Variants in MOV10L1 observed in about 807,000 individuals in gnomAD.
MOV10L1 encodes the protein RNA helicase Mov10l1.
MOV10L1 carries 110 observed loss-of-function variants against 143.8 expected under a neutral mutation model. That is an observed-to-expected ratio of 0.76 (90% confidence interval 0.66 to 0.90). The LOEUF (loss-of-function observed/expected upper bound fraction) is 0.90, where lower values mean the gene tolerates loss of function less well. Among genes scored for constraint, MOV10L1 ranks in the 40% least tolerant of loss-of-function variants. MOV10L1 has a pLI of 0.00. For missense variants in MOV10L1, 1,406 were observed against 1,526.8 expected, an observed-to-expected ratio of 0.92 and a Z score of 1.32; for synonymous variants, 593 against 581.1, an observed-to-expected ratio of 1.02 and a Z score of -0.29.
Position 50,139,384 on chromosome 22 carries a change from C to G in MOV10L1, c.2071-2697C>G, listed in dbSNP as rs1569027461. 4.6e-5 allele frequency among the ~76,000 whole-genome samples: 7 copies of G among 151,958 alleles called. No homozygotes were observed. In the South Asian group the frequency reaches 1.5e-3, roughly 32 times the overall value. On this transcript the variant is annotated intron_variant, in intron 15 of 26. Coordinates refer to ENST00000262794, the MANE Select transcript of MOV10L1 (RefSeq NM_018995.3). ...CTTACAGAGAAATGGATAAATTGGA[C>G]TTCAGTGAAATTAAATATTTTGCTG...
At position 50,143,067 on chromosome 22, in the gene MOV10L1, C is replaced by G; in HGVS notation, c.2204C>G (p.Ala735Gly). 1 of 1,614,066 alleles carries G rather than the reference C, an allele frequency of 6.2e-7. No individual in the cohort carries two copies. The highest frequency in any genetic ancestry group is 8.5e-7 in the Non-Finnish European group (1 of 1,180,004). The change falls in exon 17 of 27, where the codon GCA (alanine) becomes GGA (glycine). Residue 735 changes from alanine (A) to glycine (G), a missense_variant. Ala to Gly is a moderately conservative substitution (Grantham distance 60, BLOSUM62 0). Transcript: ENST00000262794. ...DWVDEIQTPK[A>G]RKMEFFNPVL... ...GTAGATGAAATTCAGACCCCTAAAGCAAGAAAGATGGAGTTTTTCAACCCA... is the reference window on the plus strand; with the variant it reads ...GTAGATGAAATTCAGACCCCTAAAGGAAGAAAGATGGAGTTTTTCAACCCA...
chr22:50,121,579 C>T (rs2062345814), intron 10 of MOV10L1, among the ~76,000 whole-genome samples: 1 of 152,228 alleles, frequency 6.6e-6, no homozygotes. Context: ...ATGTGTTTTA[C>T]TCACAGATCC....
At position 50,152,104 on chromosome 22, in the gene MOV10L1, A is replaced by G. The variant is rs1038606983; in HGVS notation, c.2893-941A>G. ...GTCGGGAGGACTCACGGGGCCAATC[A>G]TGGCGTTCTCGTGCCAGTGTCATCT... On this transcript the variant is annotated intron_variant, in intron 21 of 26. Coordinates refer to ENST00000262794, the MANE Select transcript of MOV10L1 (RefSeq NM_018995.3). This position sits in a 1 kb window ranked among gnomAD's most constrained non-coding sequence, Gnocchi z 4.4. 6.6e-6 allele frequency among the ~76,000 whole-genome samples: 1 copy of G among 152,162 alleles called. No homozygotes were observed. The highest frequency in any genetic ancestry group is 1.5e-5 in the Non-Finnish European group (1 of 68,016).
At chr22:50,149,549 GT>G in intron 19 of MOV10L1, 65 bp from the exon 20 acceptor site, 1 of 1,512,136 alleles carries the variant, frequency 6.6e-7, no homozygotes, top group Non-Finnish European at 9.1e-7. Flanking sequence ...CTTTGCCAGT[GT>G]GTCAGAGGCA....
Position 50,134,038 on chromosome 22 carries a change from GAA to G in MOV10L1, c.1943_1944del (p.Glu648AlafsTer44), listed in dbSNP as rs1417790380. The G allele has an allele frequency of 6.2e-7, 1 of 1,612,200 alleles. No homozygotes were observed. The highest frequency in any genetic ancestry group is 8.5e-7 in the Non-Finnish European group (1 of 1,179,614). On this transcript the variant is annotated frameshift_variant, in exon 14 of 27. Coordinates refer to ENST00000262794, the MANE Select transcript of MOV10L1 (RefSeq NM_018995.3). LOFTEE classifies it high-confidence loss of function. ...TTSRRCHFAL[E>X]HVIHLGVKVL... ...AAGCAGACGGTGTCACTTTGCACTT[GAA>G]CACGTCATCCACTTAGGTGTAAAAG...
chr22:50,121,656 G>A (rs2062349564), intron 10 of MOV10L1, among the ~76,000 whole-genome samples: 1 of 152,218 alleles, frequency 6.6e-6, no homozygotes, highest in African/African-American at 2.4e-5. Context: ...GAGTTTGTAG[G>A]CAAATGCCTG....
At chr22:50,098,272 C>CTTAATAATTACTT (rs10627093) in intron 2 of MOV10L1, among the ~76,000 whole-genome samples, 1 of 141,556 alleles carries the variant, frequency 7.1e-6, no homozygotes, top group Admixed American at 7.0e-5. Flanking sequence ...TTAATAATCA[C>CTTAATAATTACTT]ATAATCACTT....
At chr22:50,126,056 T>C in intron 11 of MOV10L1, 146 bp from the exon 12 acceptor site, 2 of 561,422 alleles carry the variant, frequency 3.6e-6, no homozygotes, top group Non-Finnish European at 6.4e-6. Flanking sequence ...CCTCTCAAAG[T>C]GCTGGGATTA....
At chr22:50,124,438 T>C (rs960730095) in intron 10 of MOV10L1, among the ~76,000 whole-genome samples, 1 of 152,200 alleles carries the variant, frequency 6.6e-6, no homozygotes, top group Non-Finnish European at 1.5e-5. Flanking sequence ...ATTAATAGAT[T>C]TGGTTTACGA....
At chr22:50,122,843 G>A (rs553893820) in intron 10 of MOV10L1, among the ~76,000 whole-genome samples, 48 of 149,036 alleles carry the variant, frequency 3.2e-4, no homozygotes, top group African/African-American at 1.1e-3. Flanking sequence ...GTGCAGTGGC[G>A]CAATCACAGC....
intron 1 of MOV10L1, chr22:50,090,636 T>C: frequency 1.7e-6 from 2 of 1,202,178 alleles, no homozygotes; most frequent in Non-Finnish European, 1.2e-6. Flanking sequence ...AAGCCCGGGA[T>C]GCGCCCGGAT....
intron 19 of MOV10L1, among the ~76,000 whole-genome samples, chr22:50,146,148 A>AGGCCTGGAGCCTG (rs146402502): frequency 0.23 from 34,548 of 151,552 alleles, 4,296 homozygotes; most frequent in Admixed American, 0.35. Flanking sequence ...GGTGAGGGGG[A>AGGCCTGGAGCCTG]GGCCTGGCGG....
At chr22:50,147,612 C>G (rs551497990) in intron 19 of MOV10L1, among the ~76,000 whole-genome samples, 42 of 151,346 alleles carry the variant, frequency 2.8e-4, no homozygotes, top group South Asian at 8.4e-4. Flanking sequence ...GGTGCTGCAG[C>G]CCAGCTGCAG....
In MOV10L1 at chr22:50,115,165, G is replaced by A; in HGVS notation, c.1178G>A (p.Arg393Lys). ...GGAGAAAAAGACAACATTCTATCAA[G>A]GAAGCAGATGACAGAGCCTGAGCCT... The part of the protein sequence containing the change: ...ENGEKDNILS[R>K]KQMTEPEPGG... Residue 393 changes from arginine (R) to lysine (K), a missense_variant, in exon 8 of 27, where the codon AGG becomes AAG. By Grantham distance (26) the Arg-to-Lys change is conservative (BLOSUM62 2). Coordinates refer to ENST00000262794, the MANE Select transcript of MOV10L1 (RefSeq NM_018995.3). 6.4e-7 allele frequency: 1 copy of A among 1,571,714 alleles called. No individual in the cohort carries two copies. The highest frequency in any genetic ancestry group is 8.6e-7 in the Non-Finnish European group (1 of 1,166,118).
At chr22:50,150,975 C>G (rs946150246) in intron 21 of MOV10L1, 76 bp downstream of exon 21, 1 of 1,563,194 alleles carries the variant, frequency 6.4e-7, no homozygotes, top group Non-Finnish European at 8.7e-7. Flanking sequence ...GCAGCTCACT[C>G]TTCTGTCCAC....
chr22:50,125,561 T>C lies in MOV10L1; in HGVS notation c.1739T>C (p.Leu580Pro). Residue 580 changes from leucine to proline, a missense_variant, in exon 11 of 27, where the codon CTC (leucine) becomes CCC (proline). Physicochemically the swap from Leu to Pro is moderately conservative, Grantham distance 98. Transcript: ENST00000262794. Reference protein sequence around the residue: ...VPGLAEGRPSLYAGDKLILKT... With the variant: ...VPGLAEGRPSPYAGDKLILKT... Reference sequence around the variant, plus strand: ...GGGTTGGCCGAAGGGAGGCCTTCTCTCTACGCAGGTGTGTTTGTTACTCAT... The same window carrying C: ...GGGTTGGCCGAAGGGAGGCCTTCTCCCTACGCAGGTGTGTTTGTTACTCAT... 1.2e-6 allele frequency: 2 copies of C among 1,614,062 alleles called. No individual in the cohort carries two copies. Among genetic ancestry groups the C allele is most frequent in the Non-Finnish European group, 1.7e-6 (2 of 1,179,976 alleles).
intron 22 of MOV10L1, among the ~76,000 whole-genome samples, chr22:50,154,295 AC>A (rs564894481): frequency 6.6e-6 from 1 of 152,082 alleles, no homozygotes; most frequent in Non-Finnish European, 1.5e-5. Context: ...ACAGGGGCTC[AC>A]CTGTAACCCC....
Position 50,126,267 on chromosome 22 carries a change from A to G in MOV10L1, c.1813A>G (p.Thr605Ala). Residue 605 changes from threonine to alanine, a missense_variant, in exon 12 of 27, where the codon ACT becomes GCT. Physicochemically the swap from Thr to Ala is moderately conservative, Grantham distance 58. Coordinates refer to ENST00000262794, the MANE Select transcript of MOV10L1 (RefSeq NM_018995.3). ...TGCCATCGAATACATCAGCTACGTG[A>G]CTGAGGTGAGAGCACTCTCTCTTAA... ...GHAIEYISYV[T>A]EIHEEDVTLK... is the part of the protein sequence containing the mutation. 1 of 1,611,400 alleles carries G rather than the reference A, an allele frequency of 6.2e-7. No homozygotes were observed. The highest frequency in any genetic ancestry group is 8.5e-7 in the Non-Finnish European group (1 of 1,177,546).
chr22:50,096,395 A>G (rs902586248), intron 2 of MOV10L1: 6 of 152,128 alleles, frequency 3.9e-5, no homozygotes, highest in Non-Finnish European at 7.3e-5. Flanking sequence ...TCATCTGTTG[A>G]TGGACACTTG....
Sources: allele counts gnomAD v4.1 joint callset (sites outside exome capture counted in the v4.1 genomes callset), GRCh38; gene constraint gnomAD v4.1.1; non-coding constraint Gnocchi (gnomAD v3.1); transcripts MANE v1.5; gene names NCBI Gene and HGNC (gene_info 2026-07-23, HGNC 2026-07-21).